Variants in ARHGEF12 observed in about 807,000 individuals in gnomAD.
ARHGEF12 encodes KMT2A/ARHGEF12 fusion protein.
In ARHGEF12, 66 loss-of-function variants were observed where a neutral mutation model predicts 211.2. The observed-to-expected ratio is 0.31, with a 90% CI of 0.26 to 0.38. The LOEUF (loss-of-function observed/expected upper bound fraction) is 0.38. Ranked by LOEUF, ARHGEF12 falls within the 10% of genes least tolerant of loss-of-function variation. ARHGEF12 has a pLI of 1.00. For synonymous variants in ARHGEF12, 592 were observed against 638.4 expected (o/e 0.93, Z 1.09); for missense variants, 1,429 against 1,869.5 (o/e 0.76, Z 4.34).
At chr11:120,448,747 G>C (rs1268714721) in intron 20 of ARHGEF12, 1 of 273,034 alleles carries the variant, frequency 3.7e-6, no homozygotes, top group Non-Finnish European at 6.8e-6. Context: ...TTGTAAAGCT[G>C]TATGAGTACA....
intron 1 of ARHGEF12, among the ~76,000 whole-genome samples, chr11:120,363,588 G>T (rs902170978): frequency 2.6e-5 from 4 of 152,150 alleles, no homozygotes; most frequent in Non-Finnish European, 4.4e-5. Flanking sequence ...TAATAATTTG[G>T]TGCTTATGTG....
Position 120,406,137 on chromosome 11 carries a change from A to G in ARHGEF12, c.52A>G (p.Ile18Val), listed in dbSNP as rs746222054. 5.9e-6 allele frequency: 9 copies of G among 1,536,816 alleles called. No homozygotes were observed. Among genetic ancestry groups the G allele is most frequent in the Middle Eastern group, 1.7e-4 (1 of 5,896 alleles). Residue 18 changes from isoleucine (I) to valine (V), a missense_variant, in exon 2 of 41, where the codon ATA becomes GTA. By Grantham distance (29) the Ile-to-Val change is conservative. Transcript: ENST00000397843. ...TTTCAGGTTTCCCCTCAAAAAACCT[A>G]TAAGGTAAGTTTGCTCAATTACACT... ...ITDRFPLKKP[I>V]RHGSILNRES... is the part of the protein sequence containing the mutation.
chr11:120,388,445 T>C (rs1353671066), intron 1 of ARHGEF12, among the ~76,000 whole-genome samples: 1 of 152,232 alleles, frequency 6.6e-6, no homozygotes, highest in African/African-American at 2.4e-5. Context: ...GTACAAGTTT[T>C]TGTGTGTACA....
At chr11:120,406,089 C>T (rs754632550) in intron 1 of ARHGEF12, 29 bp from the exon 2 acceptor site, 1 of 1,511,696 alleles carries the variant, frequency 6.6e-7, no homozygotes, top group Non-Finnish European at 9.0e-7. Flanking sequence ...AAAGTAACTA[C>T]ATCTATCCTT....
intron 39 of ARHGEF12, among the ~76,000 whole-genome samples, chr11:120,482,853 T>C (rs2136019299): frequency 6.6e-6 from 1 of 152,320 alleles, no homozygotes; most frequent in South Asian, 2.1e-4. Context: ...TTAAGTATCC[T>C]TAGCCTTTGA....
chr11:120,345,847 G>A (rs566636156), intron 1 of ARHGEF12, among the ~76,000 whole-genome samples: 22 of 152,052 alleles, frequency 1.4e-4, no homozygotes, highest in African/African-American at 4.6e-4. Context: ...TAATACGTGA[G>A]TTCTTCAAGG....
intron 7 of ARHGEF12, among the ~76,000 whole-genome samples, chr11:120,427,079 T>A (rs1397614896): frequency 6.6e-6 from 1 of 151,966 alleles, no homozygotes. Context: ...GGTTTCACCA[T>A]GTTAGCAAGG....
At chr11:120,350,974 A>G (rs571124126) in intron 1 of ARHGEF12, among the ~76,000 whole-genome samples, 2 of 152,286 alleles carry the variant, frequency 1.3e-5, no homozygotes, top group African/African-American at 4.8e-5. Context: ...CAGTGTTTAA[A>G]TCATGATTAC....
chr11:120,346,469 C>T (rs1027377480), intron 1 of ARHGEF12, among the ~76,000 whole-genome samples: 3 of 152,232 alleles, frequency 2.0e-5, no homozygotes, highest in African/African-American at 7.2e-5. Context: ...GTCACATCAG[C>T]TCACATGTCA....
chr11:120,358,140 G>A (rs879406388), intron 1 of ARHGEF12, among the ~76,000 whole-genome samples: 9 of 152,030 alleles, frequency 5.9e-5, no homozygotes, highest in Non-Finnish European at 4.4e-5. Flanking sequence ...CGGTGGTAGC[G>A]TGAAGAAAGG....
chr11:120,447,182 G>A, intron 18 of ARHGEF12, 97 bp downstream of exon 18: 2 of 1,367,340 alleles, frequency 1.5e-6, no homozygotes, highest in South Asian at 1.8e-5. Flanking sequence ...CTGTCAGATT[G>A]TGTATGTGGA....
intron 1 of ARHGEF12, among the ~76,000 whole-genome samples, chr11:120,385,738 ACAAAGGTTTT>A (rs1220229737): frequency 2.0e-5 from 3 of 152,214 alleles, no homozygotes; most frequent in Non-Finnish European, 4.4e-5. Flanking sequence ...TAGCTTTAGA[ACAAAGGTTTT>A]TACATCCAGC....
rs375701908 is a variant in ARHGEF12 at position 120,488,601 on chromosome 11, C to G, written c.*3524C>G. 57 of 219,410 alleles carry G rather than the reference C, an allele frequency of 2.6e-4. 2 individuals are homozygous for G. In the South Asian group the frequency reaches 7.1e-3, roughly 27 times the overall value. 13.6% of individuals were successfully genotyped at this position (219,410 alleles called of 1,614,324 possible). On this transcript the variant is annotated 3_prime_UTR_variant, in exon 41 of 41. Coordinates refer to ENST00000397843, the MANE Select transcript of ARHGEF12 (RefSeq NM_015313.3). ...AATTGGTAGGAAAAAAAAGTACCTC[C>G]TAGAAGGAAGCCTTCCCCACCATTT...
intron 1 of ARHGEF12, among the ~76,000 whole-genome samples, chr11:120,357,828 C>T (rs565407032): frequency 1.1e-4 from 16 of 152,276 alleles, no homozygotes; most frequent in African/African-American, 3.9e-4. Context: ...CCTCAGCCTC[C>T]CAAAGTGCTG....
intron 1 of ARHGEF12, among the ~76,000 whole-genome samples, chr11:120,388,478 A>G (rs1407719328): frequency 6.6e-6 from 1 of 152,186 alleles, no homozygotes; most frequent in African/African-American, 2.4e-5. Flanking sequence ...TCTTAGGTAA[A>G]CACCCAGGAG....
Position 120,337,136 on chromosome 11 carries a change from T to C in ARHGEF12, c.-108T>C. The C allele has an allele frequency of 7.3e-7, 1 of 1,363,172 alleles. No homozygotes were observed. Among genetic ancestry groups the C allele is most frequent in the African/African-American group, 1.4e-5 (1 of 70,268 alleles). 84.4% of individuals were successfully genotyped at this position (1,363,172 alleles called of 1,614,324 possible). ...TGAATGGAGTTTTGAGTTGGACTTT[T>C]GTGTCCCTGACGGAGTTGGGCCTGA... On this transcript the variant is annotated 5_prime_UTR_variant, in exon 1 of 41. Coordinates refer to ENST00000397843, the MANE Select transcript of ARHGEF12 (RefSeq NM_015313.3).
intron 12 of ARHGEF12, among the ~76,000 whole-genome samples, chr11:120,437,883 G>A (rs1479724497): frequency 1.3e-5 from 2 of 152,114 alleles, no homozygotes; most frequent in South Asian, 2.1e-4. Context: ...GCTTTCATCC[G>A]TGTTGTAGCA....
At chr11:120,351,435 ATATATATATATATATATATATT>A (rs1341957876) in intron 1 of ARHGEF12, among the ~76,000 whole-genome samples, 5 of 3,124 alleles carry the variant, frequency 1.6e-3, no homozygotes, top group East Asian at 8.5e-3. Flanking sequence ...ATATATATAT[ATATATATATATATATATATATT>A]TTTTTTTTTT....
intron 11 of ARHGEF12, among the ~76,000 whole-genome samples, chr11:120,434,744 T>C (rs1050251339): frequency 6.6e-6 from 1 of 152,214 alleles, no homozygotes; most frequent in Non-Finnish European, 1.5e-5. Context: ...TGGTAACAAA[T>C]CATCATCTGA....
Sources: gnomAD v4.1 joint callset for allele counts (sites outside exome capture counted in the v4.1 genomes callset) on GRCh38, gnomAD v4.1.1 for gene constraint, MANE v1.5 for transcripts, NCBI Gene and HGNC (gene_info 2026-07-23, HGNC 2026-07-21) for gene names.